Variants in IP6K1 observed in about 807,000 individuals in gnomAD.
IP6K1 encodes ATP:1D-myo-inositol-hexakisphosphate phosphotransferase.
In IP6K1, 13 loss-of-function variants were observed where a neutral mutation model predicts 38.3. The observed-to-expected ratio is 0.34, with a 90% CI of 0.22 to 0.54. The LOEUF is 0.54. Ranked by LOEUF, IP6K1 falls within the 20% of genes least tolerant of loss-of-function variation. The pLI is 0.92. For synonymous variants in IP6K1, 212 were observed against 229.9 expected, an observed-to-expected ratio of 0.92 and a Z score of 0.70; for missense variants, 397 against 599.8, an observed-to-expected ratio of 0.66 and a Z score of 3.53.
At position 49,742,754 on chromosome 3, in the gene IP6K1, G is replaced by A. The variant is rs949656889; in HGVS notation, c.224-4332C>T. Among the ~76,000 whole-genome samples the A allele has an allele frequency of 4.0e-5, 6 of 151,446 alleles. No homozygotes were observed. The South Asian group carries it at 1.3e-3, about 32-fold the overall frequency. The stretch of plus-strand genomic sequence containing the variant: ...TCTCTACAAAATACAAAAAAAAAGA[G>A]CCGGTGCACACCTGTGGTCCCAGCT... On this transcript the variant is annotated intron_variant, in intron 2 of 5. Coordinates refer to ENST00000321599, the MANE Select transcript of IP6K1 (RefSeq NM_153273.4).
At chr3:49,743,618 T>TGG (rs71080548) in intron 2 of IP6K1, among the ~76,000 whole-genome samples, 1 of 128,144 alleles carries the variant, frequency 7.8e-6, no homozygotes, top group Non-Finnish European at 1.6e-5. Context: ...TTTTTTTTTT[T>TGG]GTTTTTTTTT....
intron 1 of IP6K1, among the ~76,000 whole-genome samples, chr3:49,750,407 G>C (rs753703100): frequency 2.0e-4 from 31 of 152,130 alleles, no homozygotes; most frequent in African/African-American, 7.2e-4. Context: ...GAGAGTCAAG[G>C]AAATAGGCCG....
intron 4 of IP6K1, among the ~76,000 whole-genome samples, chr3:49,729,616 G>C (rs777447031): frequency 6.6e-6 from 1 of 151,820 alleles, no homozygotes; most frequent in Non-Finnish European, 1.5e-5. Flanking sequence ...ATGTTGGTCA[G>C]GTTGGTCTTG....
chr3:49,770,862 C>T (rs2080951835), intron 1 of IP6K1, among the ~76,000 whole-genome samples: 1 of 152,220 alleles, frequency 6.6e-6, no homozygotes, highest in African/African-American at 2.4e-5. Flanking sequence ...GTATTCCTAG[C>T]ATCTTGTGAG....
intron 1 of IP6K1, chr3:49,758,426 G>A (rs1345561711): frequency 6.6e-6 from 1 of 151,824 alleles, no homozygotes; most frequent in Non-Finnish European, 1.5e-5. Flanking sequence ...CCATCAGCCA[G>A]GAAGAACACT....
intron 4 of IP6K1, among the ~76,000 whole-genome samples, chr3:49,729,376 G>A (rs1326204702): frequency 6.6e-6 from 1 of 151,304 alleles, no homozygotes; most frequent in Non-Finnish European, 1.5e-5. Flanking sequence ...TAAGCTCTAG[G>A]GTATTTTTAT....
chr3:49,726,620 A>C lies in IP6K1; in HGVS notation c.*502T>G, dbSNP rs368388386. 1.9e-5 allele frequency: 3 copies of C among 160,402 alleles called. No homozygotes were observed. The East Asian group carries it at 5.5e-4, about 29-fold the overall frequency. 9.9% of individuals were successfully genotyped at this position (160,402 alleles called of 1,614,324 possible). ...GTGCAGTCAGCCCTGTGGTGCCCTGAGGGCACCTATTAAAGAGCTAGCTGA... is the reference window on the plus strand; with the variant it reads ...GTGCAGTCAGCCCTGTGGTGCCCTGCGGGCACCTATTAAAGAGCTAGCTGA... On this transcript the variant is annotated 3_prime_UTR_variant, in exon 6 of 6. Coordinates refer to ENST00000321599, the MANE Select transcript of IP6K1 (RefSeq NM_153273.4).
intron 1 of IP6K1, among the ~76,000 whole-genome samples, chr3:49,757,552 T>C (rs1265731844): frequency 2.6e-5 from 4 of 151,868 alleles, no homozygotes; most frequent in Non-Finnish European, 2.9e-5. Context: ...GGCAAAATAC[T>C]GTCTCTACAA....
Position 49,727,221 on chromosome 3 carries a change from C to G in IP6K1, c.1227G>C (p.Arg409=), listed in dbSNP as rs766796243. The G allele has an allele frequency of 1.2e-6, 2 of 1,614,104 alleles. No homozygotes were observed. Among genetic ancestry groups the G allele is most frequent in the Non-Finnish European group, 1.7e-6 (2 of 1,180,036 alleles). Residue 409 remains arginine (R), a synonymous_variant, in exon 6 of 6, where the codon CGG becomes CGC. Transcript: ENST00000321599. The surrounding 1 kb of genome is among the most constrained non-coding windows in gnomAD (Gnocchi z 5.9). ...GCCCATCATGCACGGTGGGGTCATCCCGGAAGCCCTTGAATGTGCTGTGTG... is the reference window on the plus strand; with the variant it reads ...GCCCATCATGCACGGTGGGGTCATCGCGGAAGCCCTTGAATGTGCTGTGTG... The part of the protein sequence containing the change: ...DFAHSTFKGF[R]DDPTVHDGPD...
chr3:49,739,287 T>C (rs1047685538), intron 2 of IP6K1, among the ~76,000 whole-genome samples: 1 of 152,088 alleles, frequency 6.6e-6, no homozygotes, highest in Admixed American at 6.5e-5. Context: ...TTATTTTTTG[T>C]AGAGACAGGA....
intron 1 of IP6K1, among the ~76,000 whole-genome samples, chr3:49,770,988 A>T (rs1274754455): frequency 6.6e-6 from 1 of 151,860 alleles, no homozygotes; most frequent in Non-Finnish European, 1.5e-5. Context: ...GCATGGTAGT[A>T]TGCACATGTA....
rs1315320300 is a variant in IP6K1, at chr3:49,747,977, G to A, written c.64C>T (p.Arg22Trp). 4 of 1,613,898 alleles carry A rather than the reference G, an allele frequency of 2.5e-6. No individual in the cohort carries two copies. The highest frequency in any genetic ancestry group is 1.3e-5 in the African/African-American group (1 of 74,904). ...ATGAAGGGCTCCAGGAGGACTCCCCGGTCTCCAGCCCGACTTGCATTCTTG... is the reference window on the plus strand; with the variant it reads ...ATGAAGGGCTCCAGGAGGACTCCCCAGTCTCCAGCCCGACTTGCATTCTTG... ...YGKNASRAGDRGVLLEPFIHQ... is the reference protein window; with the variant it reads ...YGKNASRAGDWGVLLEPFIHQ... Residue 22 changes from arginine to tryptophan, a missense_variant, in exon 2 of 6, where the codon CGG (arginine) becomes TGG (tryptophan). Transcript: ENST00000321599.
In IP6K1 at chr3:49,748,093, CA is replaced by C; in HGVS notation, c.-54del. 6.3e-7 allele frequency: 1 copy of C among 1,594,304 alleles called. No individual in the cohort carries two copies. On this transcript the variant is annotated 5_prime_UTR_variant, in exon 2 of 6. Transcript: ENST00000321599. ...GGCAGAGGATGCAGCACATGGGCCA[CA>C]AAAGGAGAGCTACATAGAAGGTCCT...
intron 3 of IP6K1, among the ~76,000 whole-genome samples, chr3:49,734,436 T>G (rs1448836301): frequency 2.1e-5 from 3 of 140,638 alleles, no homozygotes; most frequent in Non-Finnish European, 4.5e-5. Context: ...AGTCTCGCTC[T>G]GTCGCCCAGC....
intron 1 of IP6K1, among the ~76,000 whole-genome samples, chr3:49,755,421 C>T (rs1257673096): frequency 6.6e-6 from 1 of 152,130 alleles, no homozygotes. Context: ...AAGTATCATA[C>T]CCTTTTTAAA....
At position 49,785,326 on chromosome 3, in the gene IP6K1, T is replaced by C. The variant is rs139996013; in HGVS notation, c.-129+1028A>G. Among the ~76,000 whole-genome samples the C allele has an allele frequency of 2.7e-3, 418 of 152,074 alleles. 1 individual carries two copies. The highest frequency in any genetic ancestry group is 9.6e-3 in the African/African-American group (397 of 41,476). The stretch of plus-strand genomic sequence containing the variant: ...TTCGAGACCAGCCTGGCCAACATGG[T>C]GAAACCCCGTCTCTATTAAAAATAC... On this transcript the variant is annotated intron_variant, in intron 1 of 5. Transcript: ENST00000321599.
intron 1 of IP6K1, among the ~76,000 whole-genome samples, chr3:49,761,344 T>C (rs2080866468): frequency 6.7e-6 from 1 of 148,488 alleles, no homozygotes; most frequent in Non-Finnish European, 1.5e-5. Context: ...GTTAATGACC[T>C]GGCCGGGCGT....
At position 49,732,874 on chromosome 3, in the gene IP6K1, ATCT is replaced by A. The variant is rs753340281; in HGVS notation, c.530_532del (p.Lys177del). 7.4e-6 allele frequency: 12 copies of A among 1,614,002 alleles called. No homozygotes were observed. Among genetic ancestry groups the A allele is most frequent in the African/African-American group, 4.0e-5 (3 of 75,042 alleles). On this transcript the variant is annotated inframe_deletion, in exon 4 of 6. Transcript: ENST00000321599. The stretch of plus-strand genomic sequence containing the variant: ...ACGCAGGCTCCAGGGGTTGTGGCTG[ATCT>A]TCTCAGAACTCAAGCCACTGTTGCC...
At chr3:49,775,596 C>A in intron 1 of IP6K1, 2 of 944,128 alleles carry the variant, frequency 2.1e-6, no homozygotes, top group African/African-American at 1.7e-5. Flanking sequence ...CAAAAAAATG[C>A]AGCTTCAAGA....
Sources: gnomAD v4.1 joint callset for allele counts (sites outside exome capture counted in the v4.1 genomes callset) on GRCh38, gnomAD v4.1.1 for gene constraint, Gnocchi (gnomAD v3.1) non-coding constraint, MANE v1.5 for transcripts, NCBI Gene and HGNC (gene_info 2026-07-23, HGNC 2026-07-21) for gene names.